The following RALGAPA2 variants were observed in gnomAD, a reference collection of about 807,000 sequenced individuals.
RALGAPA2 encodes the protein Ral GTPase activating protein catalytic subunit alpha 2.
A neutral mutation model predicts 230.4 loss-of-function variants in RALGAPA2; 139 were observed. The observed-to-expected ratio is 0.60, with a 90% CI of 0.53 to 0.69. RALGAPA2 has a LOEUF of 0.69. RALGAPA2 is among the 30% of genes least tolerant of loss of function. RALGAPA2 has a pLI of 0.00. For synonymous variants in RALGAPA2, 847 were observed against 837.8 expected, an observed-to-expected ratio of 1.01 and a Z score of -0.19; for missense variants, 2,163 against 2,276.0, an observed-to-expected ratio of 0.95 and a Z score of 1.01.
rs1602252407 is a variant in RALGAPA2 at position 20,398,754 on chromosome 20, G to T, written c.5618-2020C>A. Among the ~76,000 whole-genome samples, 3 of 152,264 alleles carry T rather than the reference G, an allele frequency of 2.0e-5. No homozygotes were observed. The Middle Eastern group carries it at 0.01, about 518-fold the overall frequency. Reference sequence around the variant, plus strand: ...CAAAGCCTAACTGTCCTATCCCTTTGTCAAATGAGCAGCAGATATGTGCCA... The same window carrying T: ...CAAAGCCTAACTGTCCTATCCCTTTTTCAAATGAGCAGCAGATATGTGCCA... On this transcript the variant is annotated intron_variant, in intron 38 of 39. Coordinates refer to ENST00000202677, the MANE Select transcript of RALGAPA2 (RefSeq NM_020343.4). The surrounding 1 kb of genome is among the most constrained non-coding windows in gnomAD (Gnocchi z 4.5).
intron 37 of RALGAPA2, among the ~76,000 whole-genome samples, chr20:20,454,494 C>A (rs1602413092): frequency 6.6e-6 from 1 of 152,212 alleles, no homozygotes; most frequent in East Asian, 1.9e-4. Flanking sequence ...TTGCTTTCTT[C>A]AGATCAGCCC....
Position 20,546,785 on chromosome 20 carries a change from G to A in RALGAPA2, c.3204C>T (p.Ser1068=), listed in dbSNP as rs764090451. Residue 1068 remains serine, a synonymous_variant, in exon 24 of 40, where the codon TCC becomes TCT. Coordinates refer to ENST00000202677, the MANE Select transcript of RALGAPA2 (RefSeq NM_020343.4). ...GCATTGAGAAGCCAGGAAAACCCAG[G>A]GAGAAAAAGCGGGGTGGACAGTGCC... ...IIRHCPPRFF[S]LGFPGFSMLV... 1.9e-6 allele frequency: 3 copies of A among 1,610,910 alleles called. No individual in the cohort carries two copies. The African/African-American group carries it at 4.0e-5, about 22-fold the overall frequency.
intron 20 of RALGAPA2, among the ~76,000 whole-genome samples, chr20:20,580,465 C>T (rs2064951418): frequency 6.6e-6 from 1 of 152,176 alleles, no homozygotes; most frequent in African/African-American, 2.4e-5. Flanking sequence ...TACCAGGAAA[C>T]TAGAAACAGC....
chr20:20,646,932 G>A (rs1278676648), intron 4 of RALGAPA2, among the ~76,000 whole-genome samples: 1 of 151,482 alleles, frequency 6.6e-6, no homozygotes, highest in Non-Finnish European at 1.5e-5. Flanking sequence ...CATTAAAGTA[G>A]CTTAAAAATG....
At chr20:20,478,825 A>T (rs1001015555) in intron 36 of RALGAPA2, among the ~76,000 whole-genome samples, 1 of 152,156 alleles carries the variant, frequency 6.6e-6, no homozygotes, top group Non-Finnish European at 1.5e-5. Context: ...TACCCAGGTA[A>T]CAAACCTGCA....
At chr20:20,428,502 C>G (rs2060434274) in intron 37 of RALGAPA2, among the ~76,000 whole-genome samples, 1 of 152,068 alleles carries the variant, frequency 6.6e-6, no homozygotes, top group South Asian at 2.1e-4. Flanking sequence ...GAGACATGAC[C>G]CAGATGAGGA....
intron 1 of RALGAPA2, among the ~76,000 whole-genome samples, chr20:20,681,578 C>G (rs1479979681): frequency 6.6e-6 from 1 of 152,242 alleles, no homozygotes; most frequent in African/African-American, 2.4e-5. Flanking sequence ...TAGTTATCCA[C>G]TGTCAACACA....
intron 14 of RALGAPA2, among the ~76,000 whole-genome samples, chr20:20,605,640 G>A (rs2065796545): frequency 6.6e-6 from 1 of 152,098 alleles, no homozygotes; most frequent in African/African-American, 2.4e-5. Context: ...ATTCAATATT[G>A]TTCTAGTGTC....
intron 3 of RALGAPA2, among the ~76,000 whole-genome samples, chr20:20,654,858 C>T (rs1040498728): frequency 2.0e-5 from 3 of 152,150 alleles, no homozygotes; most frequent in African/African-American, 7.2e-5. Context: ...TACACTCCCA[C>T]CAACAGTATA....
intron 37 of RALGAPA2, among the ~76,000 whole-genome samples, chr20:20,467,050 C>G (rs6046882): frequency 0.03 from 4,591 of 152,212 alleles, 162 homozygotes; most frequent in East Asian, 0.15. Context: ...GACTGGAAGA[C>G]GGGTTAACAG....
At chr20:20,554,145 A>G (rs918901609) in intron 23 of RALGAPA2, among the ~76,000 whole-genome samples, 4 of 152,154 alleles carry the variant, frequency 2.6e-5, no homozygotes, top group Non-Finnish European at 4.4e-5. Flanking sequence ...AAAATGAAGC[A>G]ACTATTTCCC....
chr20:20,478,139 A>C (rs1362465469), intron 36 of RALGAPA2, among the ~76,000 whole-genome samples: 1 of 152,264 alleles, frequency 6.6e-6, no homozygotes, highest in Non-Finnish European at 1.5e-5. Flanking sequence ...TATGTTTAGA[A>C]ATTAAGAAAT....
At chr20:20,643,088 A>G (rs1311555925) in intron 5 of RALGAPA2, among the ~76,000 whole-genome samples, 1 of 152,244 alleles carries the variant, frequency 6.6e-6, no homozygotes, top group Non-Finnish European at 1.5e-5. Flanking sequence ...TCTCACAATT[A>G]GTAAAATTAA....
At chr20:20,670,371 C>T (rs1365471733) in intron 3 of RALGAPA2, among the ~76,000 whole-genome samples, 1 of 152,176 alleles carries the variant, frequency 6.6e-6, no homozygotes, top group East Asian at 1.9e-4. Flanking sequence ...CCCTACTCTC[C>T]CATTTACTAA....
intron 35 of RALGAPA2, among the ~76,000 whole-genome samples, chr20:20,499,588 C>A (rs968308122): frequency 1.8e-4 from 27 of 152,236 alleles, no homozygotes; most frequent in Non-Finnish European, 3.4e-4. Flanking sequence ...AGCTCTACAG[C>A]CAGGGGCAGC....
chr20:20,469,747 G>A (rs932386700), intron 37 of RALGAPA2, among the ~76,000 whole-genome samples: 2 of 152,146 alleles, frequency 1.3e-5, no homozygotes, highest in Non-Finnish European at 2.9e-5. Context: ...AGTTGACCAC[G>A]GTTTGATTTT....
intron 9 of RALGAPA2, among the ~76,000 whole-genome samples, 167 bp from the exon 10 acceptor site, chr20:20,629,757 T>A (rs188926510): frequency 1.1e-3 from 163 of 152,328 alleles, no homozygotes; most frequent in Admixed American, 9.1e-3. Context: ...AGCCTGTACT[T>A]ACCAATTTTC....
chr20:20,615,839 C>T (rs2066124376), intron 13 of RALGAPA2, among the ~76,000 whole-genome samples: 1 of 152,126 alleles, frequency 6.6e-6, no homozygotes, highest in Admixed American at 6.5e-5. Context: ...TGTTCAAGAA[C>T]ATTTTTTAAA....
intron 1 of RALGAPA2, among the ~76,000 whole-genome samples, chr20:20,700,114 T>A (rs2069288094): frequency 6.6e-6 from 1 of 152,140 alleles, no homozygotes; most frequent in African/African-American, 2.4e-5. Flanking sequence ...CACCATGGAA[T>A]ACTACACAGC....
Sources: gnomAD v4.1 joint callset for allele counts (sites outside exome capture counted in the v4.1 genomes callset) on GRCh38, gnomAD v4.1.1 for gene constraint, Gnocchi (gnomAD v3.1) non-coding constraint, MANE v1.5 for transcripts, NCBI Gene and HGNC (gene_info 2026-07-23, HGNC 2026-07-21) for gene names.